Variants in SPG11 observed in about 807,000 individuals in gnomAD.
The protein encoded by SPG11 is SPG11 vesicle trafficking associated, spatacsin.
A neutral mutation model predicts 274.0 loss-of-function variants in SPG11; 222 were observed. That is an observed-to-expected ratio of 0.81 (90% CI 0.73 to 0.91). SPG11 has a LOEUF of 0.91. Ranked by LOEUF, SPG11 falls within the 40% of genes least tolerant of loss-of-function variation. SPG11 has a pLI of 0.00. For synonymous variants in SPG11, 1,144 were observed against 1,039.7 expected (o/e 1.10, Z -1.93); for missense variants, 3,114 against 2,872.7 (o/e 1.08, Z -1.92).
At chr15:44,613,965 G>A (rs1595882491) in intron 16 of SPG11, among the ~76,000 whole-genome samples, 1 of 152,228 alleles carries the variant, frequency 6.6e-6, no homozygotes, top group East Asian at 1.9e-4. Context: ...AATTGCTTGA[G>A]CCTAGGAGTT....
intron 15 of SPG11, among the ~76,000 whole-genome samples, chr15:44,618,369 T>C (rs1307546355): frequency 2.1e-5 from 3 of 145,320 alleles, no homozygotes; most frequent in Non-Finnish European, 4.5e-5. Flanking sequence ...AAAAAAAAAA[T>C]TAGCCAGGCG....
chr15:44,614,250 G>A (rs78676417), intron 16 of SPG11, among the ~76,000 whole-genome samples: 4,799 of 151,800 alleles, frequency 0.032, 231 homozygotes, highest in African/African-American at 0.095. Flanking sequence ...TTTTGAGACC[G>A]GGTCTCACTG....
At chr15:44,583,499 C>T (rs2082695604) in intron 30 of SPG11, among the ~76,000 whole-genome samples, 1 of 151,956 alleles carries the variant, frequency 6.6e-6, no homozygotes, top group African/African-American at 2.4e-5. Flanking sequence ...AAACAAAAAG[C>T]CATATTTCTA....
chr15:44,636,918 T>TC (rs1392750905), intron 7 of SPG11, among the ~76,000 whole-genome samples: 1 of 56,474 alleles, frequency 1.8e-5, no homozygotes, highest in Admixed American at 2.8e-4. Context: ...AGAGCAAGAC[T>TC]CCATCTCAAA....
At chr15:44,658,616 G>A (rs150521788) in intron 3 of SPG11, among the ~76,000 whole-genome samples, 4 of 151,952 alleles carry the variant, frequency 2.6e-5, no homozygotes, top group Non-Finnish European at 4.4e-5. Context: ...GCACCACCAC[G>A]CCTGGCTAAT....
chr15:44,658,950 A>T, intron 3 of SPG11, 129 bp downstream of exon 3: 1 of 801,824 alleles, frequency 1.2e-6, no homozygotes, highest in Non-Finnish European at 2.1e-6. Context: ...TTTTTCCATG[A>T]AAAGTTTTAC....
Position 44,585,656 on chromosome 15 carries a change from C to T in SPG11, c.5101G>A (p.Asp1701Asn). Residue 1701 changes from aspartate (D) to asparagine (N), a missense_variant, in exon 29 of 40, where the codon GAC becomes AAC. Transcript: ENST00000261866. ...GATACCTCTTTAATAACCAAGTTGT[C>T]CACAGGTAACTCAGCTAATTCTGCT... Reference protein sequence around the residue: ...RVAELAELPVDNLVIKEITQE... With the variant: ...RVAELAELPVNNLVIKEITQE... The T allele has an allele frequency of 6.2e-7, 1 of 1,610,832 alleles. No individual in the cohort carries two copies. The highest frequency in any genetic ancestry group is 1.1e-5 in the South Asian group (1 of 90,996).
At position 44,573,548 on chromosome 15, in the gene SPG11, T is replaced by TG. The variant is rs1432604396; in HGVS notation, c.6203dup (p.Gly2069ArgfsTer3). 6.2e-7 allele frequency: 1 copy of TG among 1,614,068 alleles called. No individual in the cohort carries two copies. The highest frequency in any genetic ancestry group is 1.3e-5 in the African/African-American group (1 of 74,920). On this transcript the variant is annotated frameshift_variant and splice_region_variant, in exon 32 of 40. Coordinates refer to ENST00000261866, the MANE Select transcript of SPG11 (RefSeq NM_025137.4). LOFTEE classifies it high-confidence loss of function. Reference sequence around the variant, plus strand: ...GGGAATCCCCGGGGGGTAGGGCACCTGTTCCCTGTGATGAAGTAAGCAGCT... The same window carrying TG: ...GGGAATCCCCGGGGGGTAGGGCACCTGGTTCCCTGTGATGAAGTAAGCAGCT...
intron 37 of SPG11, 30 bp downstream of exon 37, chr15:44,566,187 A>C (rs760127501): frequency 1.9e-6 from 3 of 1,611,948 alleles, no homozygotes; most frequent in South Asian, 2.2e-5. Flanking sequence ...GCAAGTCCCA[A>C]GGCCAGTCTG....
intron 3 of SPG11, among the ~76,000 whole-genome samples, chr15:44,657,893 G>C (rs906966322): frequency 6.6e-6 from 1 of 152,186 alleles, no homozygotes; most frequent in African/African-American, 2.4e-5. Context: ...TGGGCGTGGC[G>C]GCCCATGCCT....
At position 44,584,571 on chromosome 15, in the gene SPG11, A is replaced by G. The variant is rs1377296209; in HGVS notation, c.5122-13T>C. The G allele has an allele frequency of 1.9e-6, 3 of 1,605,760 alleles. No individual in the cohort carries two copies. In the African/African-American group the frequency reaches 4.0e-5, roughly 21 times the overall value. ...TTTCCTGTGTTATCTGTGAAATTTAACAAAGCAGATTTTAGCCTTTCTTGG... is the reference window on the plus strand; with the variant it reads ...TTTCCTGTGTTATCTGTGAAATTTAGCAAAGCAGATTTTAGCCTTTCTTGG... On this transcript the variant is annotated splice_polypyrimidine_tract_variant and intron_variant, in intron 29 of 39. Coordinates refer to ENST00000261866, the MANE Select transcript of SPG11 (RefSeq NM_025137.4).
intron 25 of SPG11, 84 bp from the exon 26 acceptor site, chr15:44,595,543 G>C: frequency 7.1e-7 from 1 of 1,412,692 alleles, no homozygotes; most frequent in Non-Finnish European, 9.8e-7. Flanking sequence ...TTCCTGTTTA[G>C]AATAAGTCAC....
At chr15:44,564,784 T>C in intron 38 of SPG11, 86 bp from the exon 39 acceptor site, 1 of 1,397,506 alleles carries the variant, frequency 7.2e-7, no homozygotes, top group Non-Finnish European at 1.0e-6. Context: ...CAATACTGTA[T>C]ACTCACTCAT....
chr15:44,568,650 GC>G (rs2140919237), intron 35 of SPG11, among the ~76,000 whole-genome samples: 1 of 152,266 alleles, frequency 6.6e-6, no homozygotes, highest in Admixed American at 6.5e-5. Flanking sequence ...TGGCTCCACA[GC>G]TTTTTGGTCT....
intron 7 of SPG11, among the ~76,000 whole-genome samples, chr15:44,638,177 C>G (rs1188315637): frequency 3.3e-5 from 5 of 152,218 alleles, no homozygotes; most frequent in Non-Finnish European, 7.3e-5. Context: ...AACTGTAGAT[C>G]TGAGCTGGGT....
At chr15:44,627,749 C>T (rs1478479190) in intron 10 of SPG11, among the ~76,000 whole-genome samples, 3 of 152,106 alleles carry the variant, frequency 2.0e-5, no homozygotes, top group African/African-American at 7.2e-5. Flanking sequence ...GCCACCACAC[C>T]TGGCTAATTT....
At position 44,595,203 on chromosome 15, in the gene SPG11, G is replaced by A. The variant is rs1246578042; in HGVS notation, c.4635+56C>T. The A allele has an allele frequency of 5.3e-6, 8 of 1,520,026 alleles. 1 individual carries two copies. Among genetic ancestry groups the A allele is most frequent in the Middle Eastern group, 3.6e-4 (2 of 5,632 alleles). 94.2% of individuals were successfully genotyped at this position (1,520,026 alleles called of 1,614,324 possible). On this transcript the variant is annotated intron_variant, in intron 26 of 39. Transcript: ENST00000261866. ...ATGGAAATAAGAAAAAGCCAAGAAGGGATATGCTGAAGTAATCTCTTAAGC... is the reference window on the plus strand; with the variant it reads ...ATGGAAATAAGAAAAAGCCAAGAAGAGATATGCTGAAGTAATCTCTTAAGC...
intron 20 of SPG11, among the ~76,000 whole-genome samples, chr15:44,601,362 G>A (rs763513894): frequency 5.3e-5 from 8 of 151,952 alleles, no homozygotes; most frequent in Non-Finnish European, 1.0e-4. Flanking sequence ...CTGGGCTCAG[G>A]TGATCCTCCC....
chr15:44,594,063 C>A (rs907840138), intron 26 of SPG11, among the ~76,000 whole-genome samples: 1 of 151,324 alleles, frequency 6.6e-6, no homozygotes, highest in Non-Finnish European at 1.5e-5. Flanking sequence ...AGCCACCGTG[C>A]CTGGCCCATA....
Sources: gnomAD v4.1 joint callset for allele counts (sites outside exome capture counted in the v4.1 genomes callset) on GRCh38, gnomAD v4.1.1 for gene constraint, MANE v1.5 for transcripts, NCBI Gene and HGNC (gene_info 2026-07-23, HGNC 2026-07-21) for gene names.